Variants in LRRC4C observed in about 807,000 individuals in gnomAD.
The protein encoded by LRRC4C is leucine rich repeat containing 4C, also known as leucine-rich repeat-containing protein 4C.
LRRC4C carries 5 observed loss-of-function variants against 33.6 expected under a neutral mutation model. The ratio of observed to expected loss-of-function variants is 0.15; its 90% CI spans 0.08 to 0.31. The LOEUF is 0.31. Ranked by LOEUF, LRRC4C falls within the 10% of genes least tolerant of loss-of-function variation. The pLI, the probability that LRRC4C is intolerant of heterozygous loss-of-function variation, is 1.00. For missense variants in LRRC4C, 560 were observed against 796.7 expected (o/e 0.70, Z 3.58); for synonymous variants, 329 against 302.0 (o/e 1.09, Z -0.93).
chr11:40,562,124 T>A (rs1177731569), intron 3 of LRRC4C, among the ~76,000 whole-genome samples: 2 of 152,232 alleles, frequency 1.3e-5, no homozygotes, highest in Non-Finnish European at 2.9e-5. Context: ...AAGATTTCAG[T>A]CTAAACACTT....
chr11:40,898,083 G>T (rs1034335623), intron 2 of LRRC4C, among the ~76,000 whole-genome samples: 1 of 152,108 alleles, frequency 6.6e-6, no homozygotes, highest in African/African-American at 2.4e-5. Context: ...GGCTGGGTGC[G>T]GTGGCTTACG....
At chr11:40,584,247 C>T (rs923608270) in intron 3 of LRRC4C, among the ~76,000 whole-genome samples, 2 of 136,438 alleles carry the variant, frequency 1.5e-5, no homozygotes, top group East Asian at 2.4e-4. Context: ...CACTGCCAAG[C>T]GTATGTGTTT....
intron 2 of LRRC4C, among the ~76,000 whole-genome samples, chr11:40,776,321 T>C (rs972069814): frequency 2.0e-5 from 3 of 152,028 alleles, no homozygotes; most frequent in Non-Finnish European, 2.9e-5. Flanking sequence ...AGCTCTTCTC[T>C]GTATGTCTTA....
intron 1 of LRRC4C, among the ~76,000 whole-genome samples, chr11:41,149,434 C>T (rs1462229128): frequency 6.9e-6 from 1 of 144,758 alleles, no homozygotes; most frequent in Non-Finnish European, 1.5e-5. Context: ...GTGAACAACC[C>T]GGGAGGCGGA....
chr11:41,167,761 T>C (rs1285634770), intron 1 of LRRC4C, among the ~76,000 whole-genome samples: 1 of 152,152 alleles, frequency 6.6e-6, no homozygotes, highest in Non-Finnish European at 1.5e-5. Flanking sequence ...AAAAAAATCA[T>C]GAGCCTCACA....
chr11:40,691,296 CAT>C (rs1343567512), intron 2 of LRRC4C, among the ~76,000 whole-genome samples: 1 of 152,002 alleles, frequency 6.6e-6, no homozygotes, highest in East Asian at 1.9e-4. Flanking sequence ...CACAGGGACT[CAT>C]AGGGAGCACT....
chr11:40,503,812 G>A (rs1426361942), intron 3 of LRRC4C, among the ~76,000 whole-genome samples: 1 of 152,138 alleles, frequency 6.6e-6, no homozygotes, highest in Non-Finnish European at 1.5e-5. Flanking sequence ...TGAAGCTAAT[G>A]CCCTCAAAAA....
intron 2 of LRRC4C, among the ~76,000 whole-genome samples, chr11:40,837,052 T>C (rs1183296817): frequency 6.6e-6 from 1 of 152,150 alleles, no homozygotes; most frequent in Non-Finnish European, 1.5e-5. Context: ...AATCGGTTTG[T>C]TTGTATTGGA....
chr11:41,299,716 T>A (rs964653022), intron 1 of LRRC4C, among the ~76,000 whole-genome samples: 1 of 152,132 alleles, frequency 6.6e-6, no homozygotes, highest in Non-Finnish European at 1.5e-5. Context: ...CAATAAACAT[T>A]GAAATTTTCA....
chr11:40,179,458 A>G (rs979250673), intron 5 of LRRC4C, among the ~76,000 whole-genome samples: 1 of 152,202 alleles, frequency 6.6e-6, no homozygotes, highest in Non-Finnish European at 1.5e-5. Context: ...ACCGGAGGCC[A>G]CAGCGACCAT....
intron 3 of LRRC4C, among the ~76,000 whole-genome samples, chr11:40,645,455 T>C (rs1015397147): frequency 2.6e-5 from 4 of 152,178 alleles, no homozygotes; most frequent in Non-Finnish European, 2.9e-5. Flanking sequence ...GCTCCCTGTT[T>C]GCCAATACAG....
At position 40,505,960 on chromosome 11, in the gene LRRC4C, A is replaced by G. The variant is rs1190087643; in HGVS notation, c.-270+142182T>C. On this transcript the variant is annotated intron_variant, in intron 3 of 6. Coordinates refer to ENST00000528697, the MANE Select transcript of LRRC4C (RefSeq NM_001258419.2). ...AATGTAGCCTTAGAATTTCACATTT[A>G]TTCTGTCTTGAAGTTTTCCTGGAAA... Among the ~76,000 whole-genome samples the G allele has an allele frequency of 2.0e-5, 3 of 152,014 alleles. No individual in the cohort carries two copies. In the East Asian group the frequency reaches 5.8e-4, roughly 29 times the overall value.
At chr11:40,258,086 C>T (rs1209394543) in intron 4 of LRRC4C, among the ~76,000 whole-genome samples, 1 of 152,108 alleles carries the variant, frequency 6.6e-6, no homozygotes, top group South Asian at 2.1e-4. Flanking sequence ...TCTTTTAAAA[C>T]AACAAAATTC....
At chr11:40,563,958 A>G (rs1420716974) in intron 3 of LRRC4C, among the ~76,000 whole-genome samples, 1 of 152,218 alleles carries the variant, frequency 6.6e-6, no homozygotes, top group Non-Finnish European at 1.5e-5. Context: ...AACTAGGGTT[A>G]CATTTCAGTG....
chr11:41,231,319 A>G (rs1947783867), intron 1 of LRRC4C, among the ~76,000 whole-genome samples: 1 of 152,146 alleles, frequency 6.6e-6, no homozygotes, highest in East Asian at 1.9e-4. Context: ...ACACACACGT[A>G]TGTTTATTGA....
At chr11:40,610,045 G>C (rs1961044211) in intron 3 of LRRC4C, among the ~76,000 whole-genome samples, 1 of 151,808 alleles carries the variant, frequency 6.6e-6, no homozygotes, top group South Asian at 2.1e-4. Context: ...TATTTTATGA[G>C]GCCAGCATTA....
intron 2 of LRRC4C, among the ~76,000 whole-genome samples, chr11:40,898,296 G>A (rs1055691605): frequency 1.4e-5 from 2 of 139,052 alleles, no homozygotes; most frequent in African/African-American, 2.8e-5. Context: ...GGAGGTTGTG[G>A]TGGGCAGAGA....
intron 1 of LRRC4C, among the ~76,000 whole-genome samples, chr11:41,109,877 G>T (rs1026915777): frequency 3.3e-5 from 5 of 151,904 alleles, no homozygotes; most frequent in African/African-American, 1.2e-4. Flanking sequence ...TCAACTTTAA[G>T]GTGTTTGGGT....
chr11:41,043,700 G>T (rs964091173), intron 1 of LRRC4C, among the ~76,000 whole-genome samples: 1 of 151,716 alleles, frequency 6.6e-6, no homozygotes, highest in African/African-American at 2.4e-5. Context: ...ATGAGCTATT[G>T]TGTCCACAGC....
Sources: gnomAD v4.1 joint callset for allele counts (sites outside exome capture counted in the v4.1 genomes callset) on GRCh38, gnomAD v4.1.1 for gene constraint, MANE v1.5 for transcripts, NCBI Gene and HGNC (gene_info 2026-07-23, HGNC 2026-07-21) for gene names.